ANO3: variants seen among roughly 807,000 people sequenced by gnomAD.
The protein encoded by ANO3 is anoctamin-3.
In ANO3, 99 loss-of-function variants were observed where a neutral mutation model predicts 144.8. The ratio of observed to expected loss-of-function variants is 0.68; its 90% CI spans 0.58 to 0.81. The LOEUF is 0.81. ANO3 is among the 30% of genes least tolerant of loss of function. ANO3 has a pLI of 0.00. For missense variants in ANO3, 905 were observed against 1,202.2 expected (o/e 0.75, Z 3.66); for synonymous variants, 414 against 392.6 (o/e 1.05, Z -0.64).
At chr11:26,624,813 A>C (rs1234040497) in intron 18 of ANO3, among the ~76,000 whole-genome samples, 2 of 152,164 alleles carry the variant, frequency 1.3e-5, no homozygotes, top group Non-Finnish European at 1.5e-5. Context: ...GTTATACTAC[A>C]TGTACACTTT....
intron 6 of ANO3, among the ~76,000 whole-genome samples, chr11:26,520,675 A>G (rs1378341785): frequency 1.3e-5 from 2 of 152,098 alleles, no homozygotes; most frequent in Non-Finnish European, 2.9e-5. Context: ...TACTGAAAAT[A>G]TTTTTAGAGA....
At chr11:26,443,629 A>T in intron 2 of ANO3, 136 bp from the exon 3 acceptor site, 1 of 505,022 alleles carries the variant, frequency 2.0e-6, no homozygotes, top group Non-Finnish European at 3.4e-6. Flanking sequence ...GTGACATTTT[A>T]AATAACTAAT....
At chr11:26,556,305 A>G (rs1850079657) in intron 13 of ANO3, among the ~76,000 whole-genome samples, 1 of 151,998 alleles carries the variant, frequency 6.6e-6, no homozygotes, top group African/African-American at 2.4e-5. Context: ...AAATGACTCA[A>G]CCCCTTGAAG....
chr11:26,296,673 A>C (rs1306762941), intron 1 of ANO3, among the ~76,000 whole-genome samples: 1 of 152,198 alleles, frequency 6.6e-6, no homozygotes, highest in Non-Finnish European at 1.5e-5. Flanking sequence ...AGATACTTCT[A>C]TTATATCTCA....
At chr11:26,559,434 T>C in intron 13 of ANO3, 1 of 267,474 alleles carries the variant, frequency 3.7e-6, no homozygotes, top group Non-Finnish European at 7.0e-6. Context: ...CACAAATACT[T>C]CCATAGAATG....
intron 1 of ANO3, among the ~76,000 whole-genome samples, chr11:26,234,171 A>C (rs574087667): frequency 2.0e-5 from 3 of 152,202 alleles, no homozygotes; most frequent in Admixed American, 6.5e-5. Context: ...CTGAGAAATA[A>C]AAAGTTTGTT....
At chr11:26,352,829 T>C (rs955388266) in intron 1 of ANO3, among the ~76,000 whole-genome samples, 4 of 152,194 alleles carry the variant, frequency 2.6e-5, no homozygotes, top group African/African-American at 9.7e-5. Context: ...ACATATTAGA[T>C]CATTGACACC....
At chr11:26,348,320 A>C (rs1855547826) in intron 1 of ANO3, among the ~76,000 whole-genome samples, 1 of 152,212 alleles carries the variant, frequency 6.6e-6, no homozygotes, top group Admixed American at 6.5e-5. Context: ...TGTGTATTTA[A>C]AGTTCATGTT....
chr11:26,609,724 A>G (rs965944328), intron 17 of ANO3, among the ~76,000 whole-genome samples: 19 of 152,196 alleles, frequency 1.2e-4, no homozygotes, highest in Middle Eastern at 6.8e-3. Context: ...TCTCTTCTAC[A>G]TACTGATTTC....
chr11:26,438,752 T>A (rs962495771), intron 1 of ANO3, among the ~76,000 whole-genome samples: 2 of 147,568 alleles, frequency 1.4e-5, no homozygotes, highest in African/African-American at 5.0e-5. Context: ...CACTCCAAGC[T>A]GAGGAACAAG....
At chr11:26,528,029 A>G (rs2134172323) in intron 7 of ANO3, among the ~76,000 whole-genome samples, 3 of 152,232 alleles carry the variant, frequency 2.0e-5, no homozygotes, top group East Asian at 1.9e-4. Flanking sequence ...ATTGTAGCAA[A>G]TAAACCTAAA....
chr11:26,569,284 A>G (rs1850724429), intron 14 of ANO3, among the ~76,000 whole-genome samples: 1 of 152,154 alleles, frequency 6.6e-6, no homozygotes, highest in Non-Finnish European at 1.5e-5. Flanking sequence ...TTTATCTCCC[A>G]GGAAAAGGAG....
intron 1 of ANO3, among the ~76,000 whole-genome samples, chr11:26,201,835 G>T (rs1284456912): frequency 6.7e-6 from 1 of 149,618 alleles, no homozygotes; most frequent in Non-Finnish European, 1.5e-5. Flanking sequence ...TTTTTCATCT[G>T]TAGAAGAGGT....
At chr11:26,338,649 CGCGA>C (rs1855261464) in intron 1 of ANO3, among the ~76,000 whole-genome samples, 1 of 152,178 alleles carries the variant, frequency 6.6e-6, no homozygotes. Flanking sequence ...TAGCACTCAC[CGCGA>C]GGGTCTCCAG....
chr11:26,558,752 T>C (rs557305645), intron 13 of ANO3, among the ~76,000 whole-genome samples: 305 of 152,278 alleles, frequency 2.0e-3, no homozygotes, highest in African/African-American at 6.7e-3. Context: ...ATGTTACAAC[T>C]GAAATACGTA....
chr11:26,594,451 C>A (rs1038172517), intron 14 of ANO3, among the ~76,000 whole-genome samples: 55 of 152,166 alleles, frequency 3.6e-4, no homozygotes, highest in Non-Finnish European at 7.2e-4. Flanking sequence ...ATTGTCCTAA[C>A]CCTTGTAAAA....
intron 1 of ANO3, among the ~76,000 whole-genome samples, chr11:26,423,303 T>C (rs1016901370): frequency 7.3e-5 from 6 of 81,986 alleles, no homozygotes; most frequent in Middle Eastern, 0.012. Flanking sequence ...TGTATATACC[T>C]TTATACTTTT....
chr11:26,586,498 A>G (rs1851283103), intron 14 of ANO3, among the ~76,000 whole-genome samples: 3 of 58,412 alleles, frequency 5.1e-5, no homozygotes, highest in Non-Finnish European at 1.0e-4. Flanking sequence ...TTCCCTGGTG[A>G]GAATCTTTTT....
At chr11:26,635,297 C>A (rs1236954179) in intron 20 of ANO3, among the ~76,000 whole-genome samples, 3 of 152,016 alleles carry the variant, frequency 2.0e-5, no homozygotes, top group Non-Finnish European at 4.4e-5. Flanking sequence ...ACATCAATTT[C>A]TTTTATTTAC....
Sources: gnomAD v4.1 joint callset for allele counts (sites outside exome capture counted in the v4.1 genomes callset) on GRCh38, gnomAD v4.1.1 for gene constraint, MANE v1.5 for transcripts, NCBI Gene and HGNC (gene_info 2026-07-23, HGNC 2026-07-21) for gene names.